The following ARHGAP15 variants were observed in gnomAD, a reference collection of about 807,000 sequenced individuals.
ARHGAP15 encodes the protein rho GTPase-activating protein 15.
A neutral mutation model predicts 63.7 loss-of-function variants in ARHGAP15; 51 were observed. That is an observed-to-expected ratio of 0.80 (90% CI 0.64 to 1.01). The LOEUF (loss-of-function observed/expected upper bound fraction) is 1.01. ARHGAP15 is among the 50% of genes least tolerant of loss of function. The probability of loss-of-function intolerance (pLI) is 0.00; values close to 1 mark genes in which losing one functional copy is unlikely to be tolerated. For missense variants in ARHGAP15, 560 were observed against 564.6 expected, an observed-to-expected ratio of 0.99 and a Z score of 0.08; for synonymous variants, 191 against 193.8, an observed-to-expected ratio of 0.99 and a Z score of 0.12.
intron 1 of ARHGAP15, among the ~76,000 whole-genome samples, chr2:143,148,187 T>C (rs1311881253): frequency 6.6e-6 from 1 of 152,042 alleles, no homozygotes; most frequent in Non-Finnish European, 1.5e-5. Flanking sequence ...ATCCCCTCTC[T>C]GCCTTTCAGA....
At chr2:143,389,625 T>A (rs1288919965) in intron 6 of ARHGAP15, among the ~76,000 whole-genome samples, 1 of 152,140 alleles carries the variant, frequency 6.6e-6, no homozygotes, top group Admixed American at 6.6e-5. Flanking sequence ...TTTTGGTAAG[T>A]CCACATGGGG....
chr2:143,184,661 T>C (rs1691368460), intron 2 of ARHGAP15, among the ~76,000 whole-genome samples: 1 of 151,858 alleles, frequency 6.6e-6, no homozygotes, highest in Non-Finnish European at 1.5e-5. Context: ...TAATCCCGCC[T>C]AGCTAATACA....
At position 143,538,496 on chromosome 2, in the gene ARHGAP15, G is replaced by A. The variant is rs538118180; in HGVS notation, c.926-17912G>A. Among the ~76,000 whole-genome samples the A allele has an allele frequency of 4.6e-5, 7 of 152,318 alleles. No homozygotes were observed. In the South Asian group the frequency reaches 1.2e-3, roughly 27 times the overall value. ...AATGCTTCCAGTTTTTGTCCACTCA[G>A]TATGATATTGGCTGTGGGTCTGTGA... On this transcript the variant is annotated intron_variant, in intron 10 of 13. Transcript: ENST00000295095.
chr2:143,471,214 A>G (rs1413231894), intron 8 of ARHGAP15, among the ~76,000 whole-genome samples: 1 of 147,796 alleles, frequency 6.8e-6, no homozygotes, highest in Non-Finnish European at 1.5e-5. Flanking sequence ...GTGTGTATAT[A>G]TACACACACA....
At chr2:143,727,199 A>G (rs955337466) in intron 13 of ARHGAP15, among the ~76,000 whole-genome samples, 1 of 152,222 alleles carries the variant, frequency 6.6e-6, no homozygotes, top group African/African-American at 2.4e-5. Flanking sequence ...AGGACATGTC[A>G]TTTCCACTGG....
chr2:143,555,250 G>A (rs1695736215), intron 10 of ARHGAP15, among the ~76,000 whole-genome samples: 3 of 152,044 alleles, frequency 2.0e-5, no homozygotes, highest in South Asian at 4.1e-4. Flanking sequence ...CAATAAATGA[G>A]CTCATTTTAT....
chr2:143,587,975 A>G (rs1697174324), intron 11 of ARHGAP15, among the ~76,000 whole-genome samples: 1 of 152,224 alleles, frequency 6.6e-6, no homozygotes, highest in South Asian at 2.1e-4. Flanking sequence ...AAGACGATTT[A>G]ACAATGTTTT....
chr2:143,657,601 T>A (rs1681522665), intron 12 of ARHGAP15, among the ~76,000 whole-genome samples: 1 of 152,216 alleles, frequency 6.6e-6, no homozygotes, highest in African/African-American at 2.4e-5. Flanking sequence ...AAAAATCAAG[T>A]CAACATGGCC....
At chr2:143,755,276 G>A (rs944149834) in intron 13 of ARHGAP15, among the ~76,000 whole-genome samples, 1 of 95,920 alleles carries the variant, frequency 1.0e-5, no homozygotes, top group African/African-American at 3.6e-5. Flanking sequence ...AGCATATATG[G>A]GGGGGGGGGA....
chr2:143,427,171 T>C (rs543033372), intron 6 of ARHGAP15, among the ~76,000 whole-genome samples: 1 of 152,302 alleles, frequency 6.6e-6, no homozygotes, highest in South Asian at 2.1e-4. Context: ...TGGCCAAATA[T>C]GTTACAATAG....
intron 13 of ARHGAP15, among the ~76,000 whole-genome samples, chr2:143,737,597 A>G (rs1447780821): frequency 6.6e-6 from 1 of 152,222 alleles, no homozygotes; most frequent in Non-Finnish European, 1.5e-5. Flanking sequence ...TCAATTGAGT[A>G]GAACCAAAAA....
intron 8 of ARHGAP15, among the ~76,000 whole-genome samples, chr2:143,481,047 T>C (rs1692055823): frequency 6.6e-6 from 1 of 152,098 alleles, no homozygotes; most frequent in African/African-American, 2.4e-5. Context: ...CCTATGATGG[T>C]GTGAGAAGAG....
At chr2:143,297,707 C>CT (rs1304780685) in intron 6 of ARHGAP15, among the ~76,000 whole-genome samples, 2 of 151,914 alleles carry the variant, frequency 1.3e-5, no homozygotes, top group Non-Finnish European at 2.9e-5. Flanking sequence ...AAAAGTCTTC[C>CT]TGTAACTATT....
intron 6 of ARHGAP15, among the ~76,000 whole-genome samples, chr2:143,337,189 T>C (rs138885914): frequency 6.6e-6 from 1 of 152,216 alleles, no homozygotes; most frequent in East Asian, 1.9e-4. Flanking sequence ...GCAAAAGTGC[T>C]GTGAAGATGG....
chr2:143,364,914 G>T (rs1167050480), intron 6 of ARHGAP15, among the ~76,000 whole-genome samples: 1 of 152,156 alleles, frequency 6.6e-6, no homozygotes, highest in Non-Finnish European at 1.5e-5. Flanking sequence ...GCTGAGGCAC[G>T]AGAATTGCTT....
intron 6 of ARHGAP15, among the ~76,000 whole-genome samples, chr2:143,420,843 G>A (rs902579495): frequency 6.6e-6 from 1 of 152,142 alleles, no homozygotes; most frequent in South Asian, 2.1e-4. Flanking sequence ...AACCACATGT[G>A]CTATATTTGC....
intron 11 of ARHGAP15, among the ~76,000 whole-genome samples, chr2:143,620,213 A>C (rs1231109896): frequency 6.6e-6 from 1 of 152,216 alleles, no homozygotes; most frequent in Admixed American, 6.5e-5. Flanking sequence ...TTTACAAATA[A>C]ATAAATAAAT....
At chr2:143,643,427 A>ACCCCCCCC (rs10540732) in intron 12 of ARHGAP15, among the ~76,000 whole-genome samples, 17 of 128,342 alleles carry the variant, frequency 1.3e-4, no homozygotes, top group Admixed American at 1.6e-4. Context: ...CCCTCCACCC[A>ACCCCCCCC]CCCCCCCCCA....
chr2:143,282,348 T>C (rs1348571553), intron 6 of ARHGAP15, among the ~76,000 whole-genome samples: 1 of 152,002 alleles, frequency 6.6e-6, no homozygotes, highest in Non-Finnish European at 1.5e-5. Context: ...CAAGACTGGG[T>C]AGTTTATAAG....
Sources: gnomAD v4.1 joint callset for allele counts (sites outside exome capture counted in the v4.1 genomes callset) on GRCh38, gnomAD v4.1.1 for gene constraint, MANE v1.5 for transcripts, NCBI Gene and HGNC (gene_info 2026-07-23, HGNC 2026-07-21) for gene names.